The following BRINP2 variants were observed in gnomAD, a reference collection of about 807,000 sequenced individuals.
BRINP2 encodes the protein BMP/retinoic acid-inducible neural-specific protein 2.
A neutral mutation model predicts 69.2 loss-of-function variants in BRINP2; 21 were observed. The observed-to-expected ratio is 0.30, with a 90% confidence interval of 0.22 to 0.44. BRINP2 has a LOEUF of 0.44. BRINP2 is among the 20% of genes least tolerant of loss of function. The probability of loss-of-function intolerance (pLI) is 1.00; values close to 1 mark genes in which losing one functional copy is unlikely to be tolerated. For missense variants in BRINP2, 877 were observed against 986.0 expected, an observed-to-expected ratio of 0.89 and a Z score of 1.48; for synonymous variants, 380 against 394.1, an observed-to-expected ratio of 0.96 and a Z score of 0.42.
intron 2 of BRINP2, among the ~76,000 whole-genome samples, chr1:177,235,191 C>G (rs1312012656): frequency 1.3e-5 from 2 of 152,156 alleles, no homozygotes; most frequent in Non-Finnish European, 2.9e-5. Flanking sequence ...GAATGAAAAT[C>G]TGCATTTTAA....
At chr1:177,233,832 G>A (rs1649935091) in intron 2 of BRINP2, among the ~76,000 whole-genome samples, 1 of 152,190 alleles carries the variant, frequency 6.6e-6, no homozygotes, top group Non-Finnish European at 1.5e-5. Flanking sequence ...ATGTCCTCCA[G>A]TGGCCGGTGA....
intron 1 of BRINP2, among the ~76,000 whole-genome samples, chr1:177,219,796 A>G (rs944577476): frequency 1.3e-5 from 2 of 152,210 alleles, no homozygotes; most frequent in African/African-American, 4.8e-5. Flanking sequence ...TTCAGCCTAC[A>G]TAGTTATGAG....
intron 1 of BRINP2, among the ~76,000 whole-genome samples, chr1:177,195,835 G>A (rs1360841085): frequency 1.3e-5 from 2 of 152,092 alleles, no homozygotes; most frequent in Non-Finnish European, 2.9e-5. Context: ...CCTGTAGGTA[G>A]CATTGTTGAT....
chr1:177,256,977 T>A, intron 3 of BRINP2, 199 bp from the exon 4 acceptor site: 2 of 1,472,946 alleles, frequency 1.4e-6, no homozygotes, highest in Non-Finnish European at 1.8e-6. Context: ...AAGAGGGCCT[T>A]TCAGGCAGCG....
chr1:177,267,205 A>G (rs1253812341), intron 4 of BRINP2, among the ~76,000 whole-genome samples: 1 of 152,232 alleles, frequency 6.6e-6, no homozygotes, highest in African/African-American at 2.4e-5. Context: ...CTGGTGAAAA[A>G]TATCACAGCT....
chr1:177,281,545 G>T lies in BRINP2; in HGVS notation c.*17G>T. 2.5e-6 allele frequency: 4 copies of T among 1,576,640 alleles called. No individual in the cohort carries two copies. The highest frequency in any genetic ancestry group is 3.4e-6 in the Non-Finnish European group (4 of 1,167,184). On this transcript the variant is annotated 3_prime_UTR_variant, in exon 8 of 8. Transcript: ENST00000361539. ...TGTAGCTAATGGGCGGCCCACTTCA[G>T]CACTGGGCAAGGAGGGGATCCATGA...
intron 2 of BRINP2, among the ~76,000 whole-genome samples, chr1:177,249,838 G>A (rs1386381059): frequency 1.3e-5 from 2 of 152,180 alleles, no homozygotes; most frequent in Non-Finnish European, 2.9e-5. Context: ...AGTTCTGTAA[G>A]CACATTTTTA....
chr1:177,179,961 C>T (rs929759449), intron 1 of BRINP2, among the ~76,000 whole-genome samples: 11 of 152,082 alleles, frequency 7.2e-5, no homozygotes, highest in African/African-American at 2.4e-4. Flanking sequence ...CACACGCACA[C>T]CCCGTATATA....
chr1:177,213,051 A>G (rs1240525746), intron 1 of BRINP2, among the ~76,000 whole-genome samples: 1 of 152,226 alleles, frequency 6.6e-6, no homozygotes, highest in Non-Finnish European at 1.5e-5. Context: ...ATTAAGCATG[A>G]ACCCAGAGGC....
chr1:177,246,124 T>C (rs1650369854), intron 2 of BRINP2, among the ~76,000 whole-genome samples: 1 of 152,252 alleles, frequency 6.6e-6, no homozygotes, highest in African/African-American at 2.4e-5. Flanking sequence ...TGTTCTTGTG[T>C]CTCTAAGAAT....
At chr1:177,206,044 T>C (rs558507385) in intron 1 of BRINP2, among the ~76,000 whole-genome samples, 37 of 152,340 alleles carry the variant, frequency 2.4e-4, no homozygotes, top group African/African-American at 8.7e-4. Flanking sequence ...GGAGGCCAGA[T>C]TCTGTGAGAC....
chr1:177,195,150 T>C (rs937602281), intron 1 of BRINP2, among the ~76,000 whole-genome samples: 1 of 152,138 alleles, frequency 6.6e-6, no homozygotes, highest in Non-Finnish European at 1.5e-5. Context: ...TCATTGTATT[T>C]GGTTCTAAAT....
At chr1:177,223,573 C>A (rs369741691) in intron 1 of BRINP2, among the ~76,000 whole-genome samples, 28 of 152,238 alleles carry the variant, frequency 1.8e-4, no homozygotes, top group Middle Eastern at 3.4e-3. Context: ...TCAGAATATG[C>A]GAGTTTCACT....
chr1:177,233,495 C>A (rs914162563), intron 2 of BRINP2, among the ~76,000 whole-genome samples: 1 of 152,186 alleles, frequency 6.6e-6, no homozygotes, highest in African/African-American at 2.4e-5. Flanking sequence ...TTAGCCTATG[C>A]AGGAAGGATA....
chr1:177,209,465 A>G (rs1422138121), intron 1 of BRINP2, among the ~76,000 whole-genome samples: 2 of 152,200 alleles, frequency 1.3e-5, no homozygotes, highest in East Asian at 3.9e-4. Flanking sequence ...CCATCCTCAC[A>G]GGCTGCTTGG....
chr1:177,221,595 A>C (rs557474), intron 1 of BRINP2, among the ~76,000 whole-genome samples: 92,727 of 152,022 alleles, frequency 0.61, 28,614 homozygotes, highest in African/African-American at 0.67. Flanking sequence ...AAAAATATTC[A>C]AAATTATAAA....
Position 177,280,880 on chromosome 1 carries a change from G to C in BRINP2, c.1704G>C (p.Leu568Phe). Residue 568 changes from leucine to phenylalanine, a missense_variant, in exon 8 of 8, where the codon TTG (leucine) becomes TTC (phenylalanine). Transcript: ENST00000361539. ...KYKPGLVHVM[L>F]ALSLQICLTK... ...AGCCTGGGCTGGTGCACGTGATGTTGGCCTTGTCCTTGCAGATCTGTCTCA... is the reference window on the plus strand; with the variant it reads ...AGCCTGGGCTGGTGCACGTGATGTTCGCCTTGTCCTTGCAGATCTGTCTCA... 1 of 1,614,166 alleles carries C rather than the reference G, an allele frequency of 6.2e-7. No individual in the cohort carries two copies. The highest frequency in any genetic ancestry group is 1.1e-5 in the South Asian group (1 of 91,068).
chr1:177,232,473 G>A lies in BRINP2; in HGVS notation c.269+2328G>A, dbSNP rs547638887. On this transcript the variant is annotated intron_variant, in intron 2 of 7. Transcript: ENST00000361539. The stretch of plus-strand genomic sequence containing the variant: ...AGTAACCAGTCATTCTGACAGGAGT[G>A]TAGTATTCTGATTTGTGACCTTTTG... Among the ~76,000 whole-genome samples the A allele has an allele frequency of 7.2e-5, 11 of 152,314 alleles. No individual in the cohort carries two copies. In the South Asian group the frequency reaches 2.1e-3, roughly 29 times the overall value.
At chr1:177,228,315 C>T (rs555297879) in intron 1 of BRINP2, among the ~76,000 whole-genome samples, 25 of 152,270 alleles carry the variant, frequency 1.6e-4, no homozygotes, top group South Asian at 2.1e-4. Flanking sequence ...TGGTGAGGCA[C>T]GGATCTCTCA....
Sources: gnomAD v4.1 joint callset for allele counts (sites outside exome capture counted in the v4.1 genomes callset) on GRCh38, gnomAD v4.1.1 for gene constraint, MANE v1.5 for transcripts, NCBI Gene and HGNC (gene_info 2026-07-23, HGNC 2026-07-21) for gene names.